PITPNC1: variants seen among roughly 807,000 people sequenced by gnomAD.
The protein encoded by PITPNC1 is phosphatidylinositol transfer protein cytoplasmic 1.
Under a neutral mutation model 44.7 loss-of-function variants are expected in PITPNC1, and 18 were observed. The ratio of observed to expected loss-of-function variants is 0.40; its 90% CI spans 0.28 to 0.60. PITPNC1 has a LOEUF of 0.60. Ranked by LOEUF, PITPNC1 falls within the 20% of genes least tolerant of loss-of-function variation. The pLI is 0.39. For missense variants in PITPNC1, 290 were observed against 418.4 expected (o/e 0.69, Z 2.68); for synonymous variants, 141 against 149.6 (o/e 0.94, Z 0.42).
chr17:67,399,622 T>C (rs143701655), intron 1 of PITPNC1, among the ~76,000 whole-genome samples: 1 of 152,222 alleles, frequency 6.6e-6, no homozygotes, highest in African/African-American at 2.4e-5. Flanking sequence ...TGAAAGAATG[T>C]GCATTAAAAT....
intron 1 of PITPNC1, among the ~76,000 whole-genome samples, chr17:67,404,364 G>A (rs764926924): frequency 1.3e-5 from 2 of 152,168 alleles, no homozygotes; most frequent in Non-Finnish European, 1.5e-5. Flanking sequence ...AATCTTGAGG[G>A]AAACCTTGAT....
chr17:67,499,121 G>C (rs954611802), intron 1 of PITPNC1, among the ~76,000 whole-genome samples: 4 of 152,002 alleles, frequency 2.6e-5, no homozygotes, highest in Non-Finnish European at 2.9e-5. Context: ...TGATCTGCCT[G>C]CCTCAGCCTC....
chr17:67,674,382 T>C (rs2042566052), intron 7 of PITPNC1, among the ~76,000 whole-genome samples: 1 of 151,732 alleles, frequency 6.6e-6, no homozygotes, highest in African/African-American at 2.4e-5. Context: ...TGCGCACCTG[T>C]AGTCCCAGCT....
At chr17:67,522,659 C>CCTTTTTTTTTTTTTTTTTTTTTTTTTTT (rs1555661487) in intron 1 of PITPNC1, among the ~76,000 whole-genome samples, 7 of 117,228 alleles carry the variant, frequency 6.0e-5, no homozygotes, top group African/African-American at 3.1e-4. Flanking sequence ...CCATTTTAAT[C>CCTTTTTTTTTTTTTTTTTTTTTTTTTTT]TTTTTTTTTT....
chr17:67,554,149 A>C (rs1375502831), intron 4 of PITPNC1, among the ~76,000 whole-genome samples: 1 of 152,196 alleles, frequency 6.6e-6, no homozygotes, highest in African/African-American at 2.4e-5. Context: ...ACTGAAAGAA[A>C]AAAAGACAGA....
chr17:67,669,377 A>C (rs944029450), intron 6 of PITPNC1, 131 bp from the exon 7 acceptor site: 1 of 621,078 alleles, frequency 1.6e-6, no homozygotes, highest in African/African-American at 1.9e-5. Flanking sequence ...CAGCCTCCCA[A>C]AGTGCTGGGA....
chr17:67,523,493 GT>G (rs59101369), intron 1 of PITPNC1, among the ~76,000 whole-genome samples: 97,801 of 148,736 alleles, frequency 0.66, 32,352 homozygotes, highest in East Asian at 0.87. Flanking sequence ...TAATTTTTAA[GT>G]TTTTTTTTTT....
intron 2 of PITPNC1, among the ~76,000 whole-genome samples, chr17:67,544,278 T>C (rs1037146627): frequency 2.6e-5 from 4 of 152,136 alleles, no homozygotes; most frequent in Non-Finnish European, 5.9e-5. Context: ...TCTAGAATAG[T>C]GATTCTAAAT....
At position 67,474,141 on chromosome 17, in the gene PITPNC1, C is replaced by T. The variant is rs141532618; in HGVS notation, c.49-58661C>T. On this transcript the variant is annotated intron_variant, in intron 1 of 8. Transcript: ENST00000581322. ...GGGGAGGAATGGGCGGTGGATGGAG[C>T]GAAGTTCCTAGGAAGGTCAGTGAGA... Among the ~76,000 whole-genome samples, 766 of 152,010 alleles carry T rather than the reference C, an allele frequency of 5.0e-3. 8 individuals are homozygous for T. The highest frequency in any genetic ancestry group is 8.3e-3 in the Non-Finnish European group (566 of 67,986).
At chr17:67,671,826 C>G (rs897108188) in intron 7 of PITPNC1, among the ~76,000 whole-genome samples, 5 of 152,230 alleles carry the variant, frequency 3.3e-5, no homozygotes, top group African/African-American at 1.2e-4. Flanking sequence ...AGCTTTGTGT[C>G]TATCTAAGGC....
At chr17:67,449,615 G>C (rs2039148148) in intron 1 of PITPNC1, among the ~76,000 whole-genome samples, 1 of 152,206 alleles carries the variant, frequency 6.6e-6, no homozygotes, top group Non-Finnish European at 1.5e-5. Flanking sequence ...GGGAGGTTTT[G>C]CTTGTATGAG....
chr17:67,433,076 G>A (rs1195799724), intron 1 of PITPNC1, among the ~76,000 whole-genome samples: 3 of 152,290 alleles, frequency 2.0e-5, no homozygotes, highest in Admixed American at 6.5e-5. Context: ...TTGAGGAGGC[G>A]ACAGTTGAGC....
intron 1 of PITPNC1, among the ~76,000 whole-genome samples, chr17:67,391,701 G>A (rs2038141669): frequency 1.3e-5 from 2 of 151,936 alleles, no homozygotes; most frequent in African/African-American, 2.4e-5. Context: ...GGCTGGTCTC[G>A]AACTCCTGAC....
chr17:67,382,511 A>G (rs946757831), intron 1 of PITPNC1, among the ~76,000 whole-genome samples: 1 of 152,200 alleles, frequency 6.6e-6, no homozygotes, highest in African/African-American at 2.4e-5. Context: ...CCTGTTGGAA[A>G]GGTATGAACA....
At chr17:67,523,434 G>C (rs1372972120) in intron 1 of PITPNC1, among the ~76,000 whole-genome samples, 3 of 152,024 alleles carry the variant, frequency 2.0e-5, no homozygotes, top group African/African-American at 4.8e-5. Context: ...AAGGAGCAGT[G>C]GTGAGGGCAG....
rs140544912 is a variant in PITPNC1 at position 67,624,033 on chromosome 17, G to A, written c.367-8110G>A. Among the ~76,000 whole-genome samples, 1,314 of 152,134 alleles carry A rather than the reference G, an allele frequency of 8.6e-3. 23 individuals are homozygous for A. The highest frequency in any genetic ancestry group is 0.028 in the African/African-American group (1,176 of 41,486). On this transcript the variant is annotated intron_variant, in intron 5 of 8. Transcript: ENST00000581322. ...CTACTCAATTATCACCACACAGCAC[G>A]TAATAGTTCATGAAATGGATTTACC... is the stretch of plus-strand genomic sequence containing the variant.
At chr17:67,466,445 AT>A (rs1199918210) in intron 1 of PITPNC1, among the ~76,000 whole-genome samples, 1 of 152,162 alleles carries the variant, frequency 6.6e-6, no homozygotes, top group Non-Finnish European at 1.5e-5. Context: ...GATGGGACCC[AT>A]TAGTAGCTGA....
intron 5 of PITPNC1, among the ~76,000 whole-genome samples, chr17:67,598,221 G>A (rs140468220): frequency 2.2e-4 from 33 of 152,214 alleles, no homozygotes; most frequent in Admixed American, 5.9e-4. Context: ...GCACTCCAGA[G>A]TGAGACTCCG....
chr17:67,600,415 C>T (rs542600714), intron 5 of PITPNC1, among the ~76,000 whole-genome samples: 7 of 152,122 alleles, frequency 4.6e-5, no homozygotes, highest in African/African-American at 1.7e-4. Context: ...ATAGTATATT[C>T]GGGCTGCTCA....
Sources: allele counts gnomAD v4.1 joint callset (sites outside exome capture counted in the v4.1 genomes callset), GRCh38; gene constraint gnomAD v4.1.1; transcripts MANE v1.5; gene names NCBI Gene and HGNC (gene_info 2026-07-23, HGNC 2026-07-21).